PGK1: variants seen among roughly 807,000 people sequenced by gnomAD.
PGK1 encodes the protein PRP 2.
A neutral mutation model predicts 26.9 loss-of-function variants in PGK1; 3 were observed. The observed-to-expected ratio is 0.11, with a 90% CI of 0.05 to 0.29. The LOEUF (loss-of-function observed/expected upper bound fraction) is 0.29, where lower values mean the gene tolerates loss of function less well. Ranked by LOEUF, PGK1 falls within the 10% of genes least tolerant of loss-of-function variation. PGK1 has a pLI of 1.00. For missense variants in PGK1, 270 were observed against 314.7 expected (o/e 0.86, Z 1.07); for synonymous variants, 125 against 115.3 (o/e 1.08, Z -0.54).
chrX:78,111,735 C>G lies in PGK1; in HGVS notation c.116+1818C>G, dbSNP rs1484668669. Among the ~76,000 whole-genome samples the G allele has an allele frequency of 2.7e-5, 3 of 111,990 alleles. No individual in the cohort carries two copies. The Admixed American group carries it at 2.8e-4, about 11-fold the overall frequency. On this transcript the variant is annotated intron_variant, in intron 2 of 10. Transcript: ENST00000373316. ...ATAGTGGCAGGGTCTTTGTATAAGG[C>G]AGATCTGATCCCGCTTGATCTTCAT...
rs372185667 is a variant in PGK1, at chrX:78,129,220, C to CCTATCTACCTACCTATCTAT, written c.*3397_*3398insCCTACCTATCTATCTATCTA. On this transcript the variant is annotated 3_prime_UTR_variant, in exon 11 of 11. Coordinates refer to ENST00000373316, the MANE Select transcript of PGK1 (RefSeq NM_000291.4). ...CATAAAGAGCATACCCATGTGTGTA[C>CCTATCTACCTACCTATCTAT]CTATCTATCTATCTATCTATCTATC... is the stretch of plus-strand genomic sequence containing the variant. 1.0e-5 allele frequency: 1 copy of CCTATCTACCTACCTATCTAT among 100,035 alleles called. No individual in the cohort carries two copies. Among genetic ancestry groups the CCTATCTACCTACCTATCTAT allele is most frequent in the African/African-American group, 3.8e-5 (1 of 26,572 alleles). The allele number at this position is 100,035 out of a possible 1,213,427, so 8.2% of individuals were successfully genotyped here.
intron 2 of PGK1, among the ~76,000 whole-genome samples, chrX:78,111,158 C>T (rs978576144): frequency 9.2e-6 from 1 of 108,929 alleles, no homozygotes; most frequent in Non-Finnish European, 1.9e-5. Flanking sequence ...GATCTTGGCT[C>T]ACTGCAATCT....
intron 3 of PGK1, 40 bp downstream of exon 3, chrX:78,113,939 G>A (rs2078313461): frequency 8.3e-7 from 1 of 1,205,767 alleles, no homozygotes; most frequent in South Asian, 1.8e-5. Context: ...TTTGTGGCGG[G>A]GGAAGTTGTC....
chrX:78,117,561 T>C (rs1363915838), intron 5 of PGK1, 146 bp downstream of exon 5: 3 of 501,583 alleles, frequency 6.0e-6, no homozygotes, highest in Non-Finnish European at 1.1e-5. Flanking sequence ...ATGGCTCTTG[T>C]TGAGTAGCTC....
Position 78,104,255 on chromosome X carries a change from A to G in PGK1, c.-86A>G, listed in dbSNP as rs1440044812. The G allele has an allele frequency of 5.5e-6, 4 of 720,956 alleles. No individual in the cohort carries two copies. The highest frequency in any genetic ancestry group is 4.8e-5 in the Admixed American group (2 of 41,704). 59.4% of individuals were successfully genotyped at this position (720,956 alleles called of 1,213,427 possible). A position where few individuals can be genotyped will look rare whatever the true frequency, so the allele number is the denominator to read the frequency against. On this transcript the variant is annotated 5_prime_UTR_variant, in exon 1 of 11. Transcript: ENST00000373316. ...TGTTCCTGCCCGCGCGGTGTTCCGCATTCTGCAAGCCTCCGGAGCGCACGT... is the reference window on the plus strand; with the variant it reads ...TGTTCCTGCCCGCGCGGTGTTCCGCGTTCTGCAAGCCTCCGGAGCGCACGT...
intron 1 of PGK1, 150 bp from the exon 2 acceptor site, chrX:78,109,717 G>GACTA (rs2149130233): frequency 2.0e-6 from 1 of 498,767 alleles, no homozygotes; most frequent in East Asian, 3.7e-5. Context: ...TCCTCCCCAT[G>GACTA]ACTAACCACT....
At position 78,125,987 on chromosome X, in the gene PGK1, A is replaced by G; in HGVS notation, c.*157A>G. ...CCCTTAAACAGTTGCACAGCATCTC[A>G]GCTCATCTTCACTGCACCCTGGATT... On this transcript the variant is annotated 3_prime_UTR_variant, in exon 11 of 11. Coordinates refer to ENST00000373316, the MANE Select transcript of PGK1 (RefSeq NM_000291.4). 1 of 540,502 alleles carries G rather than the reference A, an allele frequency of 1.9e-6. No individual in the cohort carries two copies. The highest frequency in any genetic ancestry group is 3.3e-6 in the Non-Finnish European group (1 of 300,110). 44.5% of individuals were successfully genotyped at this position (540,502 alleles called of 1,213,427 possible). A position where few individuals can be genotyped will look rare whatever the true frequency, so the allele number is the denominator to read the frequency against.
chrX:78,124,798 G>A, intron 8 of PGK1, 76 bp from the exon 9 acceptor site: 2 of 882,520 alleles, frequency 2.3e-6, no homozygotes, highest in Non-Finnish European at 3.3e-6. Context: ...GCAGCCCTGA[G>A]TTCTGGTCTT....
rs151115096 is a variant in PGK1 at position 78,118,630 on chromosome X, G to C, written c.641+460G>C. 2.7e-3 allele frequency among the ~76,000 whole-genome samples: 298 copies of C among 111,182 alleles called. 1 individual carries two copies. Among genetic ancestry groups the C allele is most frequent in the Non-Finnish European group, 4.4e-3 (232 of 53,043 alleles). On this transcript the variant is annotated intron_variant, in intron 6 of 10. Coordinates refer to ENST00000373316, the MANE Select transcript of PGK1 (RefSeq NM_000291.4). Reference sequence around the variant, plus strand: ...CAAACAAACGAACGAACTACATACAGAGGTGTGGGTAGGGTTCAGGGAAAC... The same window carrying C: ...CAAACAAACGAACGAACTACATACACAGGTGTGGGTAGGGTTCAGGGAAAC...
At chrX:78,112,128 C>T (rs940161966) in intron 2 of PGK1, among the ~76,000 whole-genome samples, 23 of 111,897 alleles carry the variant, frequency 2.1e-4, no homozygotes, top group African/African-American at 5.2e-4. Flanking sequence ...CATTGTTCCC[C>T]GGTCATTTTT....
At chrX:78,118,465 G>A (rs782455161) in intron 6 of PGK1, among the ~76,000 whole-genome samples, 1 of 110,807 alleles carries the variant, frequency 9.0e-6, no homozygotes, top group African/African-American at 3.3e-5. Flanking sequence ...TGTGGTCCCA[G>A]TTACCAGAGA....
Position 78,122,792 on chromosome X carries a change from A to G in PGK1, c.642-43A>G, listed in dbSNP as rs1203474389. 4 of 736,315 alleles carry G rather than the reference A, an allele frequency of 5.4e-6. No homozygotes were observed. The African/African-American group carries it at 8.3e-5, about 15-fold the overall frequency. 60.7% of individuals were successfully genotyped at this position (736,315 alleles called of 1,213,427 possible). On this transcript the variant is annotated intron_variant, in intron 6 of 10. Transcript: ENST00000373316. ...AGTTTCTATGTAATACCACTTCTCT[A>G]GTCCATTCTTCTTTAAGTGATGATT...
chrX:78,121,052 C>T (rs1003838286), intron 6 of PGK1, among the ~76,000 whole-genome samples: 1 of 112,099 alleles, frequency 8.9e-6, no homozygotes, highest in Non-Finnish European at 1.9e-5. Context: ...TAGGGATACT[C>T]AACCTGTAAT....
rs995179290 is a variant in PGK1 at position 78,117,968 on chromosome X, T to C, written c.522-83T>C. On this transcript the variant is annotated intron_variant, in intron 5 of 10. Transcript: ENST00000373316. ...TTCTTGCAGTCCAGAAGTAGAAATATTTTAGTGATAAGGAGCTGGCCTCTA... is the reference window on the plus strand; with the variant it reads ...TTCTTGCAGTCCAGAAGTAGAAATACTTTAGTGATAAGGAGCTGGCCTCTA... 6.4e-5 allele frequency: 60 copies of C among 940,574 alleles called. No homozygotes were observed. In the South Asian group the frequency reaches 9.6e-4, roughly 15 times the overall value. The allele number at this position is 940,574 out of a possible 1,213,427, so 77.5% of individuals were successfully genotyped here. A position where few individuals can be genotyped will look rare whatever the true frequency, so the allele number is the denominator to read the frequency against.
intron 10 of PGK1, 149 bp downstream of exon 10, chrX:78,125,574 T>C (rs2078379283): frequency 1.8e-6 from 1 of 541,818 alleles, no homozygotes; most frequent in Non-Finnish European, 3.2e-6. Context: ...CAGATAAAGC[T>C]CCTGGCATCC....
rs1343132278 is a variant in PGK1 at position 78,104,513 on chromosome X, G to A, written c.65+108G>A. ...TCTAAGTTCTTTTAGCTTTTGGCTGGGCCCCAGGGGTCCTAGGCTTGGAGG... is the reference window on the plus strand; with the variant it reads ...TCTAAGTTCTTTTAGCTTTTGGCTGAGCCCCAGGGGTCCTAGGCTTGGAGG... On this transcript the variant is annotated intron_variant, in intron 1 of 10. Transcript: ENST00000373316. 1.1e-5 allele frequency: 7 copies of A among 634,825 alleles called. No individual in the cohort carries two copies. In the African/African-American group the frequency reaches 1.5e-4, roughly 14 times the overall value. The allele number at this position is 634,825 out of a possible 1,213,427, so 52.3% of individuals were successfully genotyped here. A position where few individuals can be genotyped will look rare whatever the true frequency, so the allele number is the denominator to read the frequency against.
chrX:78,110,099 A>G (rs1401676682), intron 2 of PGK1, among the ~76,000 whole-genome samples, 182 bp downstream of exon 2: 1 of 111,981 alleles, frequency 8.9e-6, no homozygotes, highest in Non-Finnish European at 1.9e-5. Flanking sequence ...TATAAGCAAA[A>G]TCTTAAGAAA....
In PGK1 at chrX:78,114,160, G is replaced by A. The variant is rs781955266; in HGVS notation, c.417G>A (p.Lys139=). The A allele has an allele frequency of 3.2e-5, 39 of 1,207,015 alleles. No homozygotes were observed. The East Asian group carries it at 1.2e-3, about 36-fold the overall frequency. The change falls in exon 4 of 11, where the codon AAG becomes AAA. Residue 139 remains lysine (K), a splice_region_variant and synonymous_variant. Transcript: ENST00000373316. Reference sequence around the variant, plus strand: ...AGGGAAAAGATGCTTCTGGGAACAAGGTAGGACCTGTGATTTTGACATTAT... The same window carrying A: ...AGGGAAAAGATGCTTCTGGGAACAAAGTAGGACCTGTGATTTTGACATTAT... ...EGKGKDASGN[K]VKAEPAKIEA...
At position 78,109,531 on chromosome X, in the gene PGK1, G is replaced by GT. The variant is rs1377249466; in HGVS notation, c.66-326dup. On this transcript the variant is annotated intron_variant, in intron 1 of 10. Transcript: ENST00000373316. ...GGCTAGTTCCTGTGATTTAAGTTAG[G>GT]TTTTTTTTTTAAAATTCTTTTTAAA... 7.5e-4 allele frequency among the ~76,000 whole-genome samples: 80 copies of GT among 106,413 alleles called. 1 individual carries two copies. In the South Asian group the frequency reaches 0.011, roughly 15 times the overall value. 92.4% of individuals were successfully genotyped at this position (106,413 alleles called of 115,157 possible).
Sources: allele counts gnomAD v4.1 joint callset (sites outside exome capture counted in the v4.1 genomes callset), GRCh38; gene constraint gnomAD v4.1.1; transcripts MANE v1.5; gene names NCBI Gene and HGNC (gene_info 2026-07-23, HGNC 2026-07-21).